The following GRK4 variants were observed in gnomAD, a reference collection of about 807,000 sequenced individuals.
GRK4 encodes the protein G protein-coupled receptor kinase 2-like.
GRK4 carries 73 observed loss-of-function variants against 77.9 expected under a neutral mutation model. The ratio of observed to expected loss-of-function variants is 0.94; its 90% CI spans 0.78 to 1.14. The LOEUF is 1.14. Among genes scored for constraint, GRK4 ranks in the 50% most tolerant of loss-of-function variants. The probability of loss-of-function intolerance (pLI) is 0.00; values close to 1 mark genes in which losing one functional copy is unlikely to be tolerated. For synonymous variants in GRK4, 257 were observed against 254.4 expected, an observed-to-expected ratio of 1.01 and a Z score of -0.10; for missense variants, 729 against 700.2, an observed-to-expected ratio of 1.04 and a Z score of -0.46.
At chr4:2,986,512 C>T (rs543509507) in intron 2 of GRK4, among the ~76,000 whole-genome samples, 23 of 151,646 alleles carry the variant, frequency 1.5e-4, no homozygotes, top group Middle Eastern at 3.4e-3. Flanking sequence ...CCCACCACCA[C>T]GCCCGGCTAA....
At chr4:2,970,176 T>G (rs1047854157) in intron 1 of GRK4, among the ~76,000 whole-genome samples, 2 of 152,212 alleles carry the variant, frequency 1.3e-5, no homozygotes, top group African/African-American at 4.8e-5. Flanking sequence ...ACAGCTAATT[T>G]GGGATGCTAT....
rs764918977 is a variant in GRK4, at chr4:2,988,884, T to C, written c.261+45T>C. 16 of 1,271,128 alleles carry C rather than the reference T, an allele frequency of 1.3e-5. No homozygotes were observed. The Admixed American group carries it at 1.7e-4, about 13-fold the overall frequency. The allele number at this position is 1,271,128 out of a possible 1,614,324, so 78.7% of individuals were successfully genotyped here. The stretch of plus-strand genomic sequence containing the variant: ...ATTGAGCAACCACCCAATCTTATGC[T>C]TTTGAAAATGTAAAAACTTGGCCAG... On this transcript the variant is annotated intron_variant, in intron 3 of 15. Coordinates refer to ENST00000398052, the MANE Select transcript of GRK4 (RefSeq NM_182982.3).
chr4:2,993,535 G>A (rs933779269), intron 4 of GRK4, among the ~76,000 whole-genome samples: 61 of 152,134 alleles, frequency 4.0e-4, no homozygotes, highest in African/African-American at 1.3e-3. Context: ...TTAGCCAGGC[G>A]TGGTGGTGCA....
chr4:3,015,942 A>G (rs1734346256), intron 8 of GRK4, among the ~76,000 whole-genome samples: 1 of 147,326 alleles, frequency 6.8e-6, no homozygotes, highest in Admixed American at 6.8e-5. Context: ...AGAGTCTCGC[A>G]CTGTCTCCCG....
chr4:2,973,296 C>A (rs1720121454), intron 1 of GRK4, among the ~76,000 whole-genome samples: 1 of 152,162 alleles, frequency 6.6e-6, no homozygotes, highest in South Asian at 2.1e-4. Context: ...CTTTTAATAC[C>A]AAATGCCCCC....
Position 2,999,594 on chromosome 4 carries a change from C to T in GRK4, c.340-4637C>T, listed in dbSNP as rs573239638. ...GGATAGCCACATGCAGAGAATCACA[C>T]GGAAGCCCTACCTCATTCCATAAAC... On this transcript the variant is annotated intron_variant, in intron 4 of 15. Transcript: ENST00000398052. 2.4e-4 allele frequency among the ~76,000 whole-genome samples: 36 copies of T among 152,248 alleles called. No individual in the cohort carries two copies. In the South Asian group the frequency reaches 3.9e-3, roughly 17 times the overall value.
chr4:3,033,215 T>C (rs1474633966), intron 12 of GRK4, among the ~76,000 whole-genome samples: 2 of 152,144 alleles, frequency 1.3e-5, no homozygotes, highest in Admixed American at 6.5e-5. Context: ...AGATGCCGTC[T>C]ATATTTTAAA....
chr4:3,039,620 C>T (rs1578446276), intron 15 of GRK4, among the ~76,000 whole-genome samples: 1 of 149,486 alleles, frequency 6.7e-6, no homozygotes, highest in Admixed American at 6.8e-5. Flanking sequence ...ATCGCTTGAA[C>T]CTGGGAGGCG....
chr4:2,969,156 T>A (rs943709446), intron 1 of GRK4: 2 of 152,388 alleles, frequency 1.3e-5, no homozygotes, highest in African/African-American at 4.8e-5. Context: ...AGAGAGATGC[T>A]GAAGGTAGAA....
intron 4 of GRK4, among the ~76,000 whole-genome samples, chr4:2,999,761 A>G (rs922884695): frequency 1.3e-5 from 2 of 152,230 alleles, no homozygotes; most frequent in African/African-American, 4.8e-5. Flanking sequence ...AGCACAAGCA[A>G]CAAAGAAAAA....
At chr4:3,033,781 T>C (rs1318565843) in intron 12 of GRK4, among the ~76,000 whole-genome samples, 1 of 152,134 alleles carries the variant, frequency 6.6e-6, no homozygotes. Context: ...GAGACCGGGT[T>C]TCACCATGTT....
In GRK4 at chr4:3,009,727, C is replaced by G; in HGVS notation, c.600+16C>G. 6.2e-7 allele frequency: 1 copy of G among 1,601,052 alleles called. No individual in the cohort carries two copies. The highest frequency in any genetic ancestry group is 8.6e-7 in the Non-Finnish European group (1 of 1,168,306). ...ATTTGGAGAGGTGAGTAACGGGAGC[C>G]AGTTCATAGCAGCGCTGCTAGCTGG... is the stretch of plus-strand genomic sequence containing the variant. On this transcript the variant is annotated intron_variant, in intron 7 of 15. Transcript: ENST00000398052.
At chr4:2,976,528 T>C (rs1013629593) in intron 1 of GRK4, among the ~76,000 whole-genome samples, 6 of 152,112 alleles carry the variant, frequency 3.9e-5, no homozygotes, top group Admixed American at 6.6e-5. Context: ...TGATGTAATT[T>C]TGTCCTTTGA....
rs560104606 is a variant in GRK4 at position 2,982,964 on chromosome 4, G to T, written c.53-1549G>T. 2.6e-5 allele frequency among the ~76,000 whole-genome samples: 4 copies of T among 152,226 alleles called. No homozygotes were observed. The South Asian group carries it at 8.3e-4, about 31-fold the overall frequency. ...AAGAAAAAATGTGGACTGGATTTGA[G>T]GGGGAAGATTATGAGTCTAGGGTGA... On this transcript the variant is annotated intron_variant, in intron 1 of 15. Coordinates refer to ENST00000398052, the MANE Select transcript of GRK4 (RefSeq NM_182982.3).
intron 12 of GRK4, 71 bp from the exon 13 acceptor site, chr4:3,035,315 T>G (rs1294926812): frequency 6.8e-7 from 1 of 1,478,820 alleles, no homozygotes; most frequent in Non-Finnish European, 9.5e-7. Context: ...TTGGTTATTA[T>G]TATGCAGGGG....
chr4:3,015,638 G>A (rs537579557), intron 8 of GRK4, among the ~76,000 whole-genome samples: 1 of 147,154 alleles, frequency 6.8e-6, no homozygotes, highest in African/African-American at 2.5e-5. Context: ...TCACGCCACT[G>A]CACTCCAGCC....
At chr4:2,997,277 A>C (rs752586979) in intron 4 of GRK4, among the ~76,000 whole-genome samples, 48 of 152,236 alleles carry the variant, frequency 3.2e-4, no homozygotes, top group Non-Finnish European at 5.4e-4. Context: ...TCAGTATCTG[A>C]AAATCAATTA....
intron 4 of GRK4, among the ~76,000 whole-genome samples, chr4:2,997,019 A>G (rs1356823190): frequency 6.6e-6 from 1 of 152,156 alleles, no homozygotes; most frequent in Non-Finnish European, 1.5e-5. Context: ...CAGGAGTTGA[A>G]AAAAGAGAAC....
At chr4:2,969,941 C>A (rs951137010) in intron 1 of GRK4, among the ~76,000 whole-genome samples, 1 of 152,208 alleles carries the variant, frequency 6.6e-6, no homozygotes, top group African/African-American at 2.4e-5. Context: ...TTCAGCCTCC[C>A]AAAGTGCTGG....
Sources: allele counts gnomAD v4.1 joint callset (sites outside exome capture counted in the v4.1 genomes callset), GRCh38; gene constraint gnomAD v4.1.1; transcripts MANE v1.5; gene names NCBI Gene and HGNC (gene_info 2026-07-23, HGNC 2026-07-21).